PTK2: variants seen among roughly 807,000 people sequenced by gnomAD.
The protein encoded by PTK2 is focal adhesion kinase 1.
Under a neutral mutation model 150.1 loss-of-function variants are expected in PTK2, and 45 were observed. The observed-to-expected ratio is 0.30, with a 90% CI of 0.24 to 0.38. PTK2 has a LOEUF of 0.38. PTK2 is among the 10% of genes least tolerant of loss of function. The pLI, the probability that PTK2 is intolerant of heterozygous loss-of-function variation, is 1.00. For synonymous variants in PTK2, 432 were observed against 449.2 expected, an observed-to-expected ratio of 0.96 and a Z score of 0.48; for missense variants, 919 against 1,307.3, an observed-to-expected ratio of 0.70 and a Z score of 4.58.
chr8:140,820,166 C>G (rs1440231459), intron 8 of PTK2, among the ~76,000 whole-genome samples: 1 of 139,126 alleles, frequency 7.2e-6, no homozygotes, highest in Non-Finnish European at 1.5e-5. Context: ...GTGGCGCAAC[C>G]TCGGCTCACT....
intron 26 of PTK2, among the ~76,000 whole-genome samples, chr8:140,699,081 C>G (rs1207405717): frequency 6.6e-6 from 1 of 152,020 alleles, no homozygotes; most frequent in Middle Eastern, 3.4e-3. Context: ...CCAAAAATAA[C>G]AATTTTTTTT....
chr8:140,782,393 C>T (rs997240139), intron 14 of PTK2, among the ~76,000 whole-genome samples: 7 of 151,836 alleles, frequency 4.6e-5, no homozygotes, highest in Admixed American at 3.3e-4. Context: ...TATGGGCACA[C>T]GCCTCCACGC....
intron 2 of PTK2, among the ~76,000 whole-genome samples, chr8:140,899,466 GAAGA>G (rs1441745225): frequency 6.6e-6 from 1 of 152,136 alleles, no homozygotes; most frequent in African/African-American, 2.4e-5. Flanking sequence ...ATTGAATCAT[GAAGA>G]AACAAGAAAA....
intron 1 of PTK2, among the ~76,000 whole-genome samples, chr8:140,995,962 G>C (rs1006528376): frequency 2.0e-5 from 3 of 152,110 alleles, no homozygotes; most frequent in Admixed American, 6.6e-5. Context: ...GCTCACACCT[G>C]TAATCCCAGC....
At chr8:140,838,841 C>T (rs1463718209) in intron 7 of PTK2, among the ~76,000 whole-genome samples, 1 of 151,868 alleles carries the variant, frequency 6.6e-6, no homozygotes, top group Non-Finnish European at 1.5e-5. Flanking sequence ...CCCGTCTCTA[C>T]TAAAAATACA....
intron 1 of PTK2, among the ~76,000 whole-genome samples, chr8:140,928,840 A>T (rs138862222): frequency 2.0e-5 from 3 of 152,178 alleles, no homozygotes; most frequent in African/African-American, 7.2e-5. Context: ...AGATGAAAAA[A>T]ATTCTAGAGA....
chr8:141,001,577 C>A (rs2154610607), upstream of PTK2, among the ~76,000 whole-genome samples: 1 of 152,278 alleles, frequency 6.6e-6, no homozygotes, highest in East Asian at 1.9e-4. Context: ...GAGCGGACAT[C>A]CTGGGGTCCC....
At chr8:140,902,495 A>T (rs1286606529) in intron 2 of PTK2, among the ~76,000 whole-genome samples, 1 of 152,224 alleles carries the variant, frequency 6.6e-6, no homozygotes, top group African/African-American at 2.4e-5. Context: ...TTGCTGGGTC[A>T]AATGGTATTT....
chr8:140,732,853 C>T (rs1180606578), intron 22 of PTK2, among the ~76,000 whole-genome samples: 4 of 151,984 alleles, frequency 2.6e-5, no homozygotes, highest in Non-Finnish European at 5.9e-5. Context: ...AGACCCAGTG[C>T]GTGAAAGAAG....
intron 23 of PTK2, among the ~76,000 whole-genome samples, chr8:140,713,187 G>T (rs115129973): frequency 7.2e-5 from 11 of 152,208 alleles, no homozygotes; most frequent in Admixed American, 2.6e-4. Flanking sequence ...ACACAGTGAT[G>T]ACTAGTACAA....
At chr8:140,949,027 C>T (rs1323317771) in intron 1 of PTK2, among the ~76,000 whole-genome samples, 1 of 151,876 alleles carries the variant, frequency 6.6e-6, no homozygotes, top group Non-Finnish European at 1.5e-5. Flanking sequence ...ACCAACCCCT[C>T]TTCTTCCTCC....
chr8:140,895,654 T>C (rs1199190410), intron 2 of PTK2, among the ~76,000 whole-genome samples: 1 of 152,172 alleles, frequency 6.6e-6, no homozygotes, highest in Admixed American at 6.5e-5. Context: ...GAGCTAGTAT[T>C]TGGTAGCACA....
chr8:140,872,011 A>C (rs528962394), intron 4 of PTK2, among the ~76,000 whole-genome samples: 1 of 152,230 alleles, frequency 6.6e-6, no homozygotes, highest in African/African-American at 2.4e-5. Flanking sequence ...GATCAAGACC[A>C]TCCTGGCCAA....
intron 10 of PTK2, among the ~76,000 whole-genome samples, chr8:140,805,554 A>C (rs1390707518): frequency 6.6e-6 from 1 of 151,670 alleles, no homozygotes; most frequent in Non-Finnish European, 1.5e-5. Flanking sequence ...CTGTCTCAAA[A>C]AAAAAAAAAA....
At chr8:140,717,812 G>A in intron 22 of PTK2, 103 bp from the exon 26 acceptor site, 1 of 848,354 alleles carries the variant, frequency 1.2e-6, no homozygotes, top group East Asian at 2.5e-5. Flanking sequence ...GCTAACAGTA[G>A]ATGATAACAA....
chr8:140,981,635 A>G (rs1281610192), intron 1 of PTK2, among the ~76,000 whole-genome samples: 1 of 152,252 alleles, frequency 6.6e-6, no homozygotes, highest in East Asian at 1.9e-4. Flanking sequence ...AAACTAAAAC[A>G]ATGTTTCACG....
In PTK2 at chr8:140,935,702, C is replaced by CTTTTTTTTTTTTTTTTT. The variant is rs34554819; in HGVS notation, c.-121-9954_-121-9953insAAAAAAAAAAAAAAAAA. Among the ~76,000 whole-genome samples the CTTTTTTTTTTTTTTTTT allele has an allele frequency of 6.5e-5, 8 of 123,858 alleles. 1 individual carries two copies. The highest frequency in any genetic ancestry group is 1.2e-4 in the African/African-American group (4 of 32,930). 81.3% of individuals were successfully genotyped at this position (123,858 alleles called of 152,430 possible). A position where few individuals can be genotyped will look rare whatever the true frequency, so the allele number is the denominator to read the frequency against. ...ATCTCAATGCTCAGTATGTCCTCAT[C>CTTTTTTTTTTTTTTTTT]TTTTTTTTTTTTTTTGAGACAGAGT... On this transcript the variant is annotated intron_variant, in intron 1 of 31. Coordinates refer to ENST00000522684, the Ensembl canonical transcript of PTK2.
chr8:140,789,376 G>A (rs1595708121), intron 14 of PTK2, 98 bp downstream of exon 14: 1 of 1,142,110 alleles, frequency 8.8e-7, no homozygotes, highest in South Asian at 2.1e-5. Context: ...ATTTTCATAA[G>A]CTATTCTAGA....
At chr8:140,901,214 G>T (rs2100158311) in intron 2 of PTK2, among the ~76,000 whole-genome samples, 1 of 147,254 alleles carries the variant, frequency 6.8e-6, no homozygotes, top group Non-Finnish European at 1.5e-5. Context: ...CTGTATGCAG[G>T]AGAATGAAAT....
Sources: allele counts gnomAD v4.1 joint callset (sites outside exome capture counted in the v4.1 genomes callset), GRCh38; gene constraint gnomAD v4.1.1; transcripts MANE v1.5; gene names NCBI Gene and HGNC (gene_info 2026-07-23, HGNC 2026-07-21).